The following APC variants were observed in gnomAD, a reference collection of about 807,000 sequenced individuals.
The protein encoded by APC is APC regulator of Wnt signaling pathway, also known as adenomatous polyposis coli protein.
In APC, 72 loss-of-function variants were observed where a neutral mutation model predicts 247.0. That is an observed-to-expected ratio of 0.29 (90% CI 0.24 to 0.35). The LOEUF (loss-of-function observed/expected upper bound fraction) is 0.35. Ranked by LOEUF, APC falls within the 10% of genes least tolerant of loss-of-function variation. The probability of loss-of-function intolerance (pLI) is 1.00; values close to 1 mark genes in which losing one functional copy is unlikely to be tolerated. For synonymous variants in APC, 1,254 were observed against 1,162.5 expected (o/e 1.08, Z -1.60); for missense variants, 3,400 against 3,360.7 (o/e 1.01, Z -0.29).
intron 7 of APC, among the ~76,000 whole-genome samples, chr5:112,797,893 A>G (rs1580443023): frequency 1.3e-5 from 2 of 152,182 alleles, no homozygotes; most frequent in East Asian, 3.8e-4. Context: ...ACTGCTTCAC[A>G]CCCATTATGA....
chr5:112,837,724 C>T lies in APC; in HGVS notation c.2130C>T (p.Leu710=), dbSNP rs1057521787. 1.2e-6 allele frequency: 2 copies of T among 1,614,150 alleles called. No homozygotes were observed. The highest frequency in any genetic ancestry group is 1.7e-6 in the Non-Finnish European group (2 of 1,180,032). Residue 710 remains leucine (L), a synonymous_variant, in exon 16 of 16, where the codon CTC becomes CTT. Transcript: ENST00000257430. ...DMGAVSMLKN[L]IHSKHKMIAM... ...GGGCAGTTAGCATGCTCAAGAACCT[C>T]ATTCATTCAAAGCACAAAATGATTG...
At chr5:112,737,796 C>A, upstream of APC, 7 of 974,904 alleles carry the variant, frequency 7.2e-6, no homozygotes, top group Non-Finnish European at 8.5e-6. Flanking sequence ...CCAGGGCGCT[C>A]CCCATTCCCG....
In APC at chr5:112,729,200, G is replaced by A. The variant is rs1656832472; in HGVS notation, c.165+21318G>A. 2.0e-5 allele frequency among the ~76,000 whole-genome samples: 3 copies of A among 152,220 alleles called. No homozygotes were observed. The South Asian group carries it at 6.2e-4, about 31-fold the overall frequency. On this transcript the variant is annotated intron_variant, in intron 1 of 13. Coordinates refer to the APC transcript ENST00000507379. ...GCACCAAGCACTGTTATAGATGCGAGGGAAAGAGCAGTGCAGGAGAATCTT... is the reference window on the plus strand; with the variant it reads ...GCACCAAGCACTGTTATAGATGCGAAGGAAAGAGCAGTGCAGGAGAATCTT...
intron 7 of APC, among the ~76,000 whole-genome samples, chr5:112,798,931 C>T (rs114193534): frequency 0.028 from 4,184 of 152,008 alleles, 187 homozygotes; most frequent in African/African-American, 0.096. Flanking sequence ...GGATAATGGC[C>T]GGGCACTGTG....
chr5:112,771,929 A>G (rs541568352), intron 4 of APC, among the ~76,000 whole-genome samples: 1 of 152,274 alleles, frequency 6.6e-6, no homozygotes, highest in Admixed American at 6.5e-5. Context: ...TTTGAACCTC[A>G]GTTTTCTAGT....
chr5:112,748,976 C>T (rs1753987395), intron 1 of APC, among the ~76,000 whole-genome samples: 1 of 152,086 alleles, frequency 6.6e-6, no homozygotes, highest in Non-Finnish European at 1.5e-5. Context: ...AAAACCCTGT[C>T]TCAGAAAAAA....
Position 112,748,988 on chromosome 5 carries a change from G to C in APC, c.-18-5885G>C, listed in dbSNP as rs916275658. On this transcript the variant is annotated intron_variant, in intron 1 of 15. Coordinates refer to ENST00000257430, the MANE Select transcript of APC (RefSeq NM_000038.6). ...AGTAAAACCCTGTCTCAGAAAAAAAGAATGAAGTTTGCTTTAGCTCTGACA... is the reference window on the plus strand; with the variant it reads ...AGTAAAACCCTGTCTCAGAAAAAAACAATGAAGTTTGCTTTAGCTCTGACA... 2.0e-5 allele frequency among the ~76,000 whole-genome samples: 3 copies of C among 152,148 alleles called. No homozygotes were observed. The South Asian group carries it at 6.2e-4, about 32-fold the overall frequency.
At chr5:112,753,564 A>G (rs553746252) in intron 1 of APC, among the ~76,000 whole-genome samples, 19 of 152,088 alleles carry the variant, frequency 1.2e-4, no homozygotes, top group African/African-American at 4.3e-4. Context: ...ACAAGACTCA[A>G]TTTTTTTCAA....
intron 4 of APC, among the ~76,000 whole-genome samples, chr5:112,769,997 AG>A (rs1486959723): frequency 7.3e-6 from 1 of 136,704 alleles, no homozygotes; most frequent in East Asian, 1.9e-4. Flanking sequence ...TTCCCCTTTG[AG>A]CTCTATTAAG....
intron 14 of APC, among the ~76,000 whole-genome samples, chr5:112,834,115 T>A (rs1417809623): frequency 1.3e-5 from 2 of 151,922 alleles, no homozygotes; most frequent in Non-Finnish European, 2.9e-5. Flanking sequence ...ATTTTTTTTT[T>A]ATTTTTTGTA....
At chr5:112,773,099 A>T (rs1250267509) in intron 4 of APC, among the ~76,000 whole-genome samples, 1 of 152,192 alleles carries the variant, frequency 6.6e-6, no homozygotes. Context: ...ATGCTACATC[A>T]TAAGCAGGGG....
intron 1 of APC, among the ~76,000 whole-genome samples, chr5:112,752,679 C>T (rs1372333910): frequency 1.3e-5 from 2 of 152,082 alleles, no homozygotes; most frequent in Non-Finnish European, 2.9e-5. Context: ...AAAGGCATTC[C>T]AAAGTAAATT....
intron 8 of APC, chr5:112,810,025 G>A: frequency 2.6e-6 from 1 of 378,876 alleles, no homozygotes; most frequent in South Asian, 2.0e-5. Context: ...AGCAATTTTA[G>A]CTAACTGTAA....
chr5:112,837,479 C>A, intron 15 of APC, 74 bp from the exon 16 acceptor site: 1 of 1,122,658 alleles, frequency 8.9e-7, no homozygotes, highest in Non-Finnish European at 1.3e-6. Context: ...TGCCTTTTGT[C>A]TTCTATCCTT....
chr5:112,835,278 A>G, intron 15 of APC, 113 bp downstream of exon 15: 1 of 921,180 alleles, frequency 1.1e-6, no homozygotes, highest in East Asian at 2.6e-5. Flanking sequence ...AAATATATTT[A>G]TTACTGTGAA....
chr5:112,804,481 C>CA (rs1761160428), intron 8 of APC, among the ~76,000 whole-genome samples: 1 of 152,102 alleles, frequency 6.6e-6, no homozygotes, highest in Non-Finnish European at 1.5e-5. Context: ...CTCCTAGGTT[C>CA]AAGCAATTCT....
rs1766821710 is a variant in APC at position 112,844,549 on chromosome 5, TC to T, written c.*425del. On this transcript the variant is annotated 3_prime_UTR_variant, in exon 16 of 16. Coordinates refer to ENST00000257430, the MANE Select transcript of APC (RefSeq NM_000038.6). ...ATTTATGCAAAAAAAAATGTTTTTG[TC>T]CTTGTGAGTCCATCTAACATCATAA... The T allele has an allele frequency of 4.2e-6, 1 of 238,386 alleles. No homozygotes were observed. The allele number at this position is 238,386 out of a possible 1,614,324, so 14.8% of individuals were successfully genotyped here.
At chr5:112,821,804 A>G (rs779510477) in intron 10 of APC, 92 bp from the exon 11 acceptor site, 5 of 989,176 alleles carry the variant, frequency 5.1e-6, no homozygotes, top group Non-Finnish European at 6.3e-6. Context: ...TTAGGGTTAT[A>G]TTAGTGATCC....
rs770237345 is a variant in APC, at chr5:112,754,861, T to C, written c.-18-12T>C. 1 of 1,612,988 alleles carries C rather than the reference T, an allele frequency of 6.2e-7. No individual in the cohort carries two copies. The highest frequency in any genetic ancestry group is 1.1e-5 in the South Asian group (1 of 90,928). ...TTAGTAGTGAATTTCAAAATCCTTTTTAACCTTATAGGTCCAAGGGTAGCC... is the reference window on the plus strand; with the variant it reads ...TTAGTAGTGAATTTCAAAATCCTTTCTAACCTTATAGGTCCAAGGGTAGCC... On this transcript the variant is annotated splice_polypyrimidine_tract_variant and intron_variant, in intron 1 of 15. Coordinates refer to ENST00000257430, the MANE Select transcript of APC (RefSeq NM_000038.6).
Sources: allele counts gnomAD v4.1 joint callset (sites outside exome capture counted in the v4.1 genomes callset), GRCh38; gene constraint gnomAD v4.1.1; transcripts MANE v1.5; gene names NCBI Gene and HGNC (gene_info 2026-07-23, HGNC 2026-07-21).